Variants in ZBTB20 observed in about 807,000 individuals in gnomAD.
ZBTB20 encodes the protein zinc finger and BTB domain containing 20.
In ZBTB20, 9 loss-of-function variants were observed where a neutral mutation model predicts 56.9. The ratio of observed to expected loss-of-function variants is 0.16; its 90% CI spans 0.10 to 0.28. The LOEUF (loss-of-function observed/expected upper bound fraction) is 0.28, where lower values mean the gene tolerates loss of function less well. Ranked by LOEUF, ZBTB20 falls within the 10% of genes least tolerant of loss-of-function variation. The pLI is 1.00. For synonymous variants in ZBTB20, 417 were observed against 420.7 expected (o/e 0.99, Z 0.11); for missense variants, 655 against 1,003.0 (o/e 0.65, Z 4.69).
intron 6 of ZBTB20, among the ~76,000 whole-genome samples, chr3:114,590,141 C>T (rs544740339): frequency 2.0e-5 from 3 of 152,204 alleles, no homozygotes; most frequent in South Asian, 2.1e-4. Flanking sequence ...AAGCTTTAAT[C>T]GCTTTCTTCA....
rs1331544154 is a variant in ZBTB20 at position 114,327,800 on chromosome 3, A to AATT, written c.*11204_*11205insAAT. ...GCACTCAAAACCACATAGTACTCTAAATGTCACAGGACTTGTCTTCATTAA... is the reference window on the plus strand; with the variant it reads ...GCACTCAAAACCACATAGTACTCTAAATTATGTCACAGGACTTGTCTTCATTAA... On this transcript the variant is annotated 3_prime_UTR_variant, in exon 12 of 12. Coordinates refer to ENST00000675478, the MANE Select transcript of ZBTB20 (RefSeq NM_001348800.3). 1.3e-5 allele frequency: 2 copies of AATT among 152,206 alleles called. No individual in the cohort carries two copies. Among genetic ancestry groups the AATT allele is most frequent in the African/African-American group, 2.4e-5 (1 of 41,456 alleles). The allele number at this position is 152,206 out of a possible 1,614,324, so 9.4% of individuals were successfully genotyped here. A position where few individuals can be genotyped will look rare whatever the true frequency, so the allele number is the denominator to read the frequency against.
intron 2 of ZBTB20, among the ~76,000 whole-genome samples, chr3:114,993,860 T>C (rs942490972): frequency 1.3e-5 from 2 of 151,696 alleles, no homozygotes; most frequent in Non-Finnish European, 1.5e-5. Flanking sequence ...TAAAAAATAA[T>C]AGCAGAATAA....
chr3:114,779,814 T>G (rs2069931620), intron 5 of ZBTB20, among the ~76,000 whole-genome samples: 1 of 152,174 alleles, frequency 6.6e-6, no homozygotes, highest in South Asian at 2.1e-4. Context: ...GTCTCTAGTT[T>G]CTTAGTCATA....
At chr3:114,571,311 G>A (rs1474798013) in intron 6 of ZBTB20, among the ~76,000 whole-genome samples, 1 of 151,868 alleles carries the variant, frequency 6.6e-6, no homozygotes, top group Non-Finnish European at 1.5e-5. Flanking sequence ...TAAAAAACAA[G>A]AGATATAGCC....
intron 7 of ZBTB20, among the ~76,000 whole-genome samples, chr3:114,399,621 G>C (rs758944497): frequency 2.2e-4 from 34 of 152,108 alleles, no homozygotes; most frequent in Non-Finnish European, 4.7e-4. Flanking sequence ...GTCTTTCTGG[G>C]CAATTTACAC....
intron 6 of ZBTB20, among the ~76,000 whole-genome samples, chr3:114,639,602 C>A (rs1392195416): frequency 6.6e-6 from 1 of 151,750 alleles, no homozygotes; most frequent in African/African-American, 2.4e-5. Context: ...AGGAACAAAT[C>A]AAATTAATTT....
At chr3:115,080,171 A>T (rs1236773632) in intron 1 of ZBTB20, among the ~76,000 whole-genome samples, 1 of 152,162 alleles carries the variant, frequency 6.6e-6, no homozygotes, top group East Asian at 1.9e-4. Flanking sequence ...AGCTAGCTTG[A>T]TCTCTTTCTA....
chr3:114,863,013 C>T (rs615135), intron 4 of ZBTB20, among the ~76,000 whole-genome samples: 150,693 of 152,208 alleles, frequency 0.99, 74,626 homozygotes, highest in Middle Eastern at 1. Context: ...TGTTTATGGG[C>T]ATAAGAGGAA....
chr3:115,114,559 T>C (rs1237586073), intron 1 of ZBTB20, among the ~76,000 whole-genome samples: 1 of 152,134 alleles, frequency 6.6e-6, no homozygotes, highest in East Asian at 1.9e-4. Context: ...AATTTAAAGA[T>C]TACATTTGAA....
At chr3:115,010,177 AT>A (rs1276113340) in intron 2 of ZBTB20, among the ~76,000 whole-genome samples, 5 of 151,922 alleles carry the variant, frequency 3.3e-5, no homozygotes, top group African/African-American at 1.2e-4. Flanking sequence ...TTCTGGACCC[AT>A]GTGGAACCTG....
At chr3:114,924,965 TC>T (rs1171928230) in intron 3 of ZBTB20, among the ~76,000 whole-genome samples, 2 of 150,468 alleles carry the variant, frequency 1.3e-5, no homozygotes, top group African/African-American at 4.9e-5. Context: ...GTTTTAAAAT[TC>T]CCATTTGGTT....
intron 2 of ZBTB20, among the ~76,000 whole-genome samples, chr3:115,011,861 T>C (rs1576559310): frequency 1.3e-5 from 2 of 151,870 alleles, no homozygotes; most frequent in East Asian, 2.0e-4. Context: ...TTTTGAGACA[T>C]AGTACAGTAA....
intron 3 of ZBTB20, among the ~76,000 whole-genome samples, chr3:114,960,523 T>C (rs947068626): frequency 6.6e-6 from 1 of 152,234 alleles, no homozygotes; most frequent in Non-Finnish European, 1.5e-5. Context: ...GAAGATTTCA[T>C]AACGTTTACA....
intron 1 of ZBTB20, among the ~76,000 whole-genome samples, chr3:115,146,539 G>A (rs1333097280): frequency 6.6e-6 from 1 of 152,164 alleles, no homozygotes; most frequent in Non-Finnish European, 1.5e-5. Flanking sequence ...GCCCAAAGAA[G>A]AGAAAGAAGG....
intron 3 of ZBTB20, among the ~76,000 whole-genome samples, chr3:114,934,726 G>A (rs934859109): frequency 6.6e-6 from 1 of 151,844 alleles, no homozygotes; most frequent in Admixed American, 6.6e-5. Context: ...AAAATAACAC[G>A]TCAAAATGCA....
At chr3:114,397,236 T>C (rs1291299413) in intron 7 of ZBTB20, among the ~76,000 whole-genome samples, 1 of 152,290 alleles carries the variant, frequency 6.6e-6, no homozygotes, top group Admixed American at 6.5e-5. Context: ...CCTATGCTCC[T>C]GCCCACTGTT....
intron 2 of ZBTB20, among the ~76,000 whole-genome samples, chr3:114,974,762 C>T (rs935657689): frequency 2.6e-5 from 4 of 152,082 alleles, no homozygotes; most frequent in Non-Finnish European, 4.4e-5. Context: ...TATTTACTTG[C>T]TCATTCTTAT....
chr3:114,967,277 T>A lies in ZBTB20; in HGVS notation c.-456+7089A>T, dbSNP rs1411309827. Among the ~76,000 whole-genome samples, 10 of 152,230 alleles carry A rather than the reference T, an allele frequency of 6.6e-5. No homozygotes were observed. In the East Asian group the frequency reaches 1.9e-3, roughly 29 times the overall value. ...TATTAAATAGCAGCAGAAAACGTTA[T>A]ACTTGGTGTTATTTTCAGCTATATA... On this transcript the variant is annotated intron_variant, in intron 3 of 11. Transcript: ENST00000675478.
intron 5 of ZBTB20, among the ~76,000 whole-genome samples, chr3:114,787,391 A>ACAC (rs2070624068): frequency 6.9e-6 from 1 of 144,332 alleles, no homozygotes; most frequent in Non-Finnish European, 1.5e-5. Context: ...ACACACACAC[A>ACAC]CATATATATA....
Sources: gnomAD v4.1 joint callset for allele counts (sites outside exome capture counted in the v4.1 genomes callset) on GRCh38, gnomAD v4.1.1 for gene constraint, MANE v1.5 for transcripts, NCBI Gene and HGNC (gene_info 2026-07-23, HGNC 2026-07-21) for gene names.